The following IRS1 variants were observed in gnomAD, a reference collection of about 807,000 sequenced individuals.
IRS1 encodes the protein insulin receptor substrate 1.
A neutral mutation model predicts 65.6 loss-of-function variants in IRS1; 34 were observed. The observed-to-expected ratio is 0.52, with a 90% CI of 0.39 to 0.69. The LOEUF is 0.69. Among genes scored for constraint, IRS1 ranks in the 30% least tolerant of loss-of-function variants. The pLI, the probability that IRS1 is intolerant of heterozygous loss-of-function variation, is 0.00. For synonymous variants in IRS1, 699 were observed against 683.5 expected, an observed-to-expected ratio of 1.02 and a Z score of -0.35; for missense variants, 1,641 against 1,720.2, an observed-to-expected ratio of 0.95 and a Z score of 0.81.
intron 1 of IRS1, among the ~76,000 whole-genome samples, chr2:226,790,076 C>T (rs998439227): frequency 5.9e-5 from 9 of 152,106 alleles, no homozygotes; most frequent in African/African-American, 2.2e-4. Flanking sequence ...TGCAACTGAC[C>T]CATTAAAGAG....
intron 1 of IRS1, among the ~76,000 whole-genome samples, chr2:226,748,837 G>A (rs1227781399): frequency 6.6e-6 from 1 of 152,170 alleles, no homozygotes; most frequent in Non-Finnish European, 1.5e-5. Context: ...TGAGTACACA[G>A]GGTTCCAGAT....
chr2:226,771,554 C>G (rs1369267825), intron 1 of IRS1, among the ~76,000 whole-genome samples: 3 of 152,110 alleles, frequency 2.0e-5, no homozygotes, highest in African/African-American at 4.8e-5. Context: ...GCTTTCCTTA[C>G]AGCATGGATT....
Position 226,795,353 on chromosome 2 carries a change from C to T in IRS1, c.3386G>A (p.Gly1129Asp), listed in dbSNP as rs1456198850. 4 of 1,613,102 alleles carry T rather than the reference C, an allele frequency of 2.5e-6. No homozygotes were observed. The highest frequency in any genetic ancestry group is 3.4e-6 in the Non-Finnish European group (4 of 1,179,992). ...ATCCTCGCTGCTGCTGCTGCTACCGCCACCGCCCCCTACTGCTGCCCCCGC... is the reference window on the plus strand; with the variant it reads ...ATCCTCGCTGCTGCTGCTGCTACCGTCACCGCCCCCTACTGCTGCCCCCGC... ...FGAGAAVGGG[G>D]GSSSSSEDVK... is the part of the protein sequence containing the mutation. The change falls in exon 1 of 2, where the codon GGC becomes GAC. Residue 1129 changes from glycine (G) to aspartate (D), a missense_variant. Physicochemically the swap from Gly to Asp is moderately conservative, Grantham distance 94 (BLOSUM62 -1). Transcript: ENST00000305123.
Position 226,735,743 on chromosome 2 carries a change from A to C in IRS1, c.*529T>G, listed in dbSNP as rs537809110. 1 of 152,808 alleles carries C rather than the reference A, an allele frequency of 6.5e-6. No homozygotes were observed. Among genetic ancestry groups the C allele is most frequent in the South Asian group, 2.1e-4 (1 of 4,830 alleles). 9.5% of individuals were successfully genotyped at this position (152,808 alleles called of 1,614,324 possible). On this transcript the variant is annotated 3_prime_UTR_variant, in exon 2 of 2. Transcript: ENST00000305123. ...ATACCTCCATCCCACATCCAAAAAAAAGATGTGCTGTAAGAAAAGTTACAT... is the reference window on the plus strand; with the variant it reads ...ATACCTCCATCCCACATCCAAAAAACAGATGTGCTGTAAGAAAAGTTACAT...
intron 1 of IRS1, among the ~76,000 whole-genome samples, chr2:226,766,121 TTATATATATATA>T (rs1171119286): frequency 1.2e-3 from 17 of 14,234 alleles, no homozygotes; most frequent in African/African-American, 1.5e-3. Flanking sequence ...TCTCTTAATC[TTATATATATATA>T]TATATATATA....
chr2:226,756,689 C>T (rs185110760), intron 1 of IRS1, among the ~76,000 whole-genome samples: 175 of 152,258 alleles, frequency 1.1e-3, no homozygotes, highest in Non-Finnish European at 2.2e-3. Flanking sequence ...TCTGGCTGGG[C>T]GAGGTGGCTC....
intron 1 of IRS1, among the ~76,000 whole-genome samples, chr2:226,784,921 G>C (rs187245053): frequency 1.7e-3 from 253 of 152,294 alleles, no homozygotes; most frequent in African/African-American, 5.3e-3. Context: ...CTTTCCTTAG[G>C]AGACAGGGTA....
intron 1 of IRS1, among the ~76,000 whole-genome samples, chr2:226,783,347 T>G (rs1284574767): frequency 6.6e-6 from 1 of 152,244 alleles, no homozygotes; most frequent in Non-Finnish European, 1.5e-5. Context: ...TTCCTGCCCC[T>G]ACATTTACGG....
rs113073045 is a variant in IRS1 at position 226,734,649 on chromosome 2, G to A, written c.*1623C>T. 1 of 152,186 alleles carries A rather than the reference G, an allele frequency of 6.6e-6. No homozygotes were observed. The highest frequency in any genetic ancestry group is 2.4e-5 in the African/African-American group (1 of 41,432). The allele number at this position is 152,186 out of a possible 1,614,324, so 9.4% of individuals were successfully genotyped here. On this transcript the variant is annotated 3_prime_UTR_variant, in exon 2 of 2. Transcript: ENST00000305123. ...AGTAGGGATGCGAATTCCTGATAGA[G>A]AGATAGAGGCTCCCACAGACTCAGA...
intron 1 of IRS1, among the ~76,000 whole-genome samples, chr2:226,782,121 G>A (rs1435873330): frequency 1.3e-5 from 2 of 152,050 alleles, no homozygotes; most frequent in Non-Finnish European, 2.9e-5. Context: ...TGGGAAGGGG[G>A]GCAGAGGGAG....
At chr2:226,766,155 A>T (rs372523634) in intron 1 of IRS1, among the ~76,000 whole-genome samples, 1,577 of 5,450 alleles carry the variant, frequency 0.29, 261 homozygotes, top group Non-Finnish European at 0.39. Flanking sequence ...ATATATATAT[A>T]TATATATATT....
chr2:226,756,663 T>C (rs1938808508), intron 1 of IRS1, among the ~76,000 whole-genome samples: 1 of 152,180 alleles, frequency 6.6e-6, no homozygotes, highest in African/African-American at 2.4e-5. Flanking sequence ...AATTGTCTCC[T>C]TTAAAATACA....
rs34926444 is a variant in IRS1, at chr2:226,748,122, C to CAA, written c.*22-11874_*22-11873dup. Among the ~76,000 whole-genome samples, 446 of 129,776 alleles carry CAA rather than the reference C, an allele frequency of 3.4e-3. 3 individuals carry two copies. Among genetic ancestry groups the CAA allele is most frequent in the African/African-American group, 0.011 (393 of 34,954 alleles). The allele number at this position is 129,776 out of a possible 152,430, so 85.1% of individuals were successfully genotyped here. On this transcript the variant is annotated intron_variant, in intron 1 of 1. Transcript: ENST00000305123. ...CATTGCCCTCAAATCTCTGAGAGTC[C>CAA]AAAAAAAAAAAAAAATCCTCAAGGG...
chr2:226,789,135 C>A (rs955705126), intron 1 of IRS1, among the ~76,000 whole-genome samples: 1 of 152,138 alleles, frequency 6.6e-6, no homozygotes. Context: ...TGAAATGTTC[C>A]AATATACTAA....
At position 226,797,998 on chromosome 2, in the gene IRS1, C is replaced by G. The variant is rs901827912; in HGVS notation, c.741G>C (p.Gln247His). The G allele has an allele frequency of 6.2e-7, 1 of 1,614,130 alleles. No individual in the cohort carries two copies. Among genetic ancestry groups the G allele is most frequent in the Non-Finnish European group, 8.5e-7 (1 of 1,180,024 alleles). Residue 247 changes from glutamine (Q) to histidine (H), a missense_variant, in exon 1 of 2, where the codon CAG becomes CAC. Physicochemically the swap from Gln to His is conservative, Grantham distance 24. Transcript: ENST00000305123. The surrounding 1 kb of genome is among the most constrained non-coding windows in gnomAD (Gnocchi z 8.1). The stretch of plus-strand genomic sequence containing the variant: ...CCTCCAGGATGGTCTCGTGCATGTT[C>G]TGGGCCACCACAGAGTCATCCACCT... ...WMQVDDSVVA[Q>H]NMHETILEAM...
At position 226,795,371 on chromosome 2, in the gene IRS1, G is replaced by T. The variant is rs1274307554; in HGVS notation, c.3368C>A (p.Ala1123Glu). ...GCTACCGCCACCGCCCCCTACTGCT[G>T]CCCCCGCTCCAAAGGGCACTGTGTT... ...VGNTVPFGAG[A>E]AVGGGGGSSS... Residue 1123 changes from alanine to glutamate, a missense_variant, in exon 1 of 2, where the codon GCA (alanine) becomes GAA (glutamate). By Grantham distance (107) the Ala-to-Glu change is moderately radical. This residue lies in a region of IRS1 where 1,324 missense variants were observed against 1,361.0 expected (regional missense o/e 0.97). Coordinates refer to ENST00000305123, the MANE Select transcript of IRS1 (RefSeq NM_005544.3). The T allele has an allele frequency of 2.8e-5, 45 of 1,612,960 alleles. No homozygotes were observed. Among genetic ancestry groups the T allele is most frequent in the Non-Finnish European group, 3.7e-5 (44 of 1,179,954 alleles).
rs1553527537 is a variant in IRS1, at chr2:226,736,064, A to AAT, written c.*206_*207dup. On this transcript the variant is annotated 3_prime_UTR_variant, in exon 2 of 2. Transcript: ENST00000305123. ...TGCATTTTTTTTTTTCGCTTGGCAC[A>AAT]ATATAGAACGTGCAGTTCAGTCAAT... 6.6e-6 allele frequency: 1 copy of AAT among 152,480 alleles called. No individual in the cohort carries two copies. The highest frequency in any genetic ancestry group is 1.5e-5 in the Non-Finnish European group (1 of 68,010). 9.4% of individuals were successfully genotyped at this position (152,480 alleles called of 1,614,324 possible).
Position 226,735,715 on chromosome 2 carries a change from T to C in IRS1, c.*557A>G, listed in dbSNP as rs1339668639. ...TGCTCCACTCTTTACAACAGAACAT[T>C]GTATACCTCCATCCCACATCCAAAA... On this transcript the variant is annotated 3_prime_UTR_variant, in exon 2 of 2. Coordinates refer to ENST00000305123, the MANE Select transcript of IRS1 (RefSeq NM_005544.3). 1 of 152,656 alleles carries C rather than the reference T, an allele frequency of 6.6e-6. No homozygotes were observed. Among genetic ancestry groups the C allele is most frequent in the Non-Finnish European group, 1.5e-5 (1 of 68,042 alleles). The allele number at this position is 152,656 out of a possible 1,614,324, so 9.5% of individuals were successfully genotyped here.
chr2:226,799,723 T>C lies in IRS1; in HGVS notation c.-985A>G, dbSNP rs1939853761. The C allele has an allele frequency of 1.0e-6, 1 of 999,688 alleles. No individual in the cohort carries two copies. The highest frequency in any genetic ancestry group is 1.2e-6 in the Non-Finnish European group (1 of 830,108). The allele number at this position is 999,688 out of a possible 1,614,324, so 61.9% of individuals were successfully genotyped here. A position where few individuals can be genotyped will look rare whatever the true frequency, so the allele number is the denominator to read the frequency against. ...CCCAACCAAAACAAGCGGCGGCGTC[T>C]GGCTCTGCGCGCCGGCCCCCTCCGA... On this transcript the variant is annotated 5_prime_UTR_variant, in exon 1 of 2. Transcript: ENST00000305123. This position sits in a 1 kb window ranked among gnomAD's most constrained non-coding sequence, Gnocchi z 6.1.
Sources: gnomAD v4.1 joint callset for allele counts (sites outside exome capture counted in the v4.1 genomes callset) on GRCh38, gnomAD v4.1.1 for gene constraint, gnomAD v4.1.1 regional missense constraint, Gnocchi (gnomAD v3.1) non-coding constraint, MANE v1.5 for transcripts, NCBI Gene and HGNC (gene_info 2026-07-23, HGNC 2026-07-21) for gene names.